NLK: variants seen among roughly 807,000 people sequenced by gnomAD.
NLK encodes serine/threonine-protein kinase NLK.
In NLK, 11 loss-of-function variants were observed where a neutral mutation model predicts 59.0. The observed-to-expected ratio is 0.19, with a 90% CI of 0.12 to 0.31. The LOEUF (loss-of-function observed/expected upper bound fraction) is 0.31, where lower values mean the gene tolerates loss of function less well. Among genes scored for constraint, NLK ranks in the 10% least tolerant of loss-of-function variants. The pLI is 1.00. For missense variants in NLK, 410 were observed against 661.1 expected (o/e 0.62, Z 4.16); for synonymous variants, 235 against 235.9 (o/e 1.00, Z 0.03).
At chr17:28,177,856 AT>A (rs2142062500) in intron 7 of NLK, among the ~76,000 whole-genome samples, 1 of 152,188 alleles carries the variant, frequency 6.6e-6, no homozygotes, top group East Asian at 1.9e-4. Context: ...CAGCTTTTTC[AT>A]TTTCTGCCCT....
intron 3 of NLK, among the ~76,000 whole-genome samples, chr17:28,157,198 AT>A (rs200134350): frequency 0.011 from 1,537 of 139,228 alleles, 10 homozygotes; most frequent in Non-Finnish European, 0.016. Context: ...TAAAAAAAAA[AT>A]TTTTTTTTTT....
chr17:28,191,726 A>G lies in NLK; in HGVS notation c.1436-394A>G, dbSNP rs115311805. ...TAGGACATTTTACAAGAGAGAGAGT[A>G]GTCCCCAAAGTAACCACCTGAAACT... On this transcript the variant is annotated intron_variant, in intron 9 of 10. Transcript: ENST00000407008. Among the ~76,000 whole-genome samples, 382 of 152,304 alleles carry G rather than the reference A, an allele frequency of 2.5e-3. 5 individuals are homozygous for G. Among genetic ancestry groups the G allele is most frequent in the African/African-American group, 8.5e-3 (354 of 41,560 alleles).
At chr17:28,106,490 A>G (rs1905087850) in intron 1 of NLK, among the ~76,000 whole-genome samples, 1 of 152,194 alleles carries the variant, frequency 6.6e-6, no homozygotes, top group South Asian at 2.1e-4. Context: ...GAACACTTGA[A>G]TAAGAGATAA....
chr17:28,108,115 T>C (rs1014855571), intron 1 of NLK, among the ~76,000 whole-genome samples: 1 of 152,048 alleles, frequency 6.6e-6, no homozygotes, highest in African/African-American at 2.4e-5. Context: ...GTGCATGTAG[T>C]CCCAGCTACT....
intron 1 of NLK, among the ~76,000 whole-genome samples, chr17:28,090,265 T>A (rs1240485894): frequency 6.6e-6 from 1 of 152,252 alleles, no homozygotes; most frequent in Non-Finnish European, 1.5e-5. Context: ...GCTACTGCTG[T>A]CATACATTTC....
At chr17:28,205,134 TACTTG>T in the NLK span, among the ~76,000 whole-genome samples, 1 of 152,368 alleles carries the variant, frequency 6.6e-6, no homozygotes, top group South Asian at 2.1e-4. Context: ...GGTGAGCTAC[TACTTG>T]ACCTTTCTGT....
At chr17:28,190,626 G>T (rs957914014) in intron 8 of NLK, among the ~76,000 whole-genome samples, 1 of 151,990 alleles carries the variant, frequency 6.6e-6, no homozygotes, top group South Asian at 2.1e-4. Flanking sequence ...CACTGTGAAC[G>T]CATCTTCAGG....
chr17:28,125,605 C>A lies in NLK; in HGVS notation c.588+2873C>A, dbSNP rs12602706. On this transcript the variant is annotated intron_variant, in intron 2 of 10. Transcript: ENST00000407008. ...CATAGTTGAAGATGGCACAGCACCACTATTTTATATATAATAGATCTCTGC... is the reference window on the plus strand; with the variant it reads ...CATAGTTGAAGATGGCACAGCACCAATATTTTATATATAATAGATCTCTGC... Among the ~76,000 whole-genome samples, 306 of 152,244 alleles carry A rather than the reference C, an allele frequency of 2.0e-3. 5 individuals carry two copies. In the East Asian group the frequency reaches 0.03, roughly 15 times the overall value.
chr17:28,079,866 A>G (rs905357205), intron 1 of NLK, among the ~76,000 whole-genome samples: 27 of 152,274 alleles, frequency 1.8e-4, no homozygotes, highest in African/African-American at 4.8e-4. Context: ...TGCTTTTGGT[A>G]TCATATCCAA....
chr17:28,129,367 C>A (rs1304387183), intron 2 of NLK, among the ~76,000 whole-genome samples: 2 of 152,078 alleles, frequency 1.3e-5, no homozygotes, highest in Admixed American at 1.3e-4. Context: ...GCAGGAGAAT[C>A]GCTTGAATCC....
chr17:28,163,449 A>T, intron 4 of NLK, 94 bp from the exon 5 acceptor site: 1 of 709,268 alleles, frequency 1.4e-6, no homozygotes, highest in Non-Finnish European at 2.4e-6. Context: ...GAACAATTTT[A>T]AATCCTCTAC....
chr17:28,189,493 A>G (rs1909237875), intron 8 of NLK, among the ~76,000 whole-genome samples: 1 of 152,240 alleles, frequency 6.6e-6, no homozygotes. Context: ...AGCATCTTAC[A>G]GACAAGTATG....
intron 3 of NLK, among the ~76,000 whole-genome samples, chr17:28,151,534 A>T (rs1263841477): frequency 1.3e-5 from 2 of 152,238 alleles, no homozygotes; most frequent in Non-Finnish European, 2.9e-5. Flanking sequence ...TAATCACTTT[A>T]TAAAAATCCT....
At chr17:28,121,953 G>T (rs1000676374) in intron 1 of NLK, among the ~76,000 whole-genome samples, 3 of 152,088 alleles carry the variant, frequency 2.0e-5, no homozygotes, top group African/African-American at 7.2e-5. Context: ...GGAGTGGGGG[G>T]ACACAGTTAT....
rs140095552 is a variant in NLK at position 28,064,956 on chromosome 17, C to T, written c.458+21625C>T. Reference sequence around the variant, plus strand: ...ATATTAGCTGTTTTAATTGTTATCTCTTAGCACTTTCCATCTTTGTTTTAT... The same window carrying T: ...ATATTAGCTGTTTTAATTGTTATCTTTTAGCACTTTCCATCTTTGTTTTAT... On this transcript the variant is annotated intron_variant, in intron 1 of 10. Coordinates refer to ENST00000407008, the MANE Select transcript of NLK (RefSeq NM_016231.5). Among the ~76,000 whole-genome samples the T allele has an allele frequency of 9.9e-4, 150 of 152,268 alleles. 1 individual carries two copies. The East Asian group carries it at 0.016, about 16-fold the overall frequency.
intron 1 of NLK, among the ~76,000 whole-genome samples, chr17:28,112,311 T>G (rs2142805898): frequency 6.6e-6 from 1 of 152,260 alleles, no homozygotes; most frequent in East Asian, 1.9e-4. Flanking sequence ...GTGTGGGTTT[T>G]TTGCCCTCCC....
chr17:28,122,542 C>T, intron 1 of NLK, 61 bp from the exon 2 acceptor site: 1 of 1,562,612 alleles, frequency 6.4e-7, no homozygotes, highest in South Asian at 1.1e-5. Flanking sequence ...CATTGGAAAA[C>T]AAGGTGTGGA....
At chr17:28,118,217 G>A (rs969945536) in intron 1 of NLK, among the ~76,000 whole-genome samples, 3 of 152,074 alleles carry the variant, frequency 2.0e-5, no homozygotes, top group African/African-American at 7.2e-5. Context: ...TAGTTAGGAG[G>A]TTCTGTTACT....
At chr17:28,060,578 G>C (rs1472614437) in intron 1 of NLK, among the ~76,000 whole-genome samples, 2 of 152,012 alleles carry the variant, frequency 1.3e-5, no homozygotes, top group Admixed American at 1.3e-4. Flanking sequence ...AGCCTAAAGA[G>C]CTCTTAAAAT....
Sources: allele counts gnomAD v4.1 joint callset (sites outside exome capture counted in the v4.1 genomes callset), GRCh38; gene constraint gnomAD v4.1.1; transcripts MANE v1.5; gene names NCBI Gene and HGNC (gene_info 2026-07-23, HGNC 2026-07-21).